TMEM232: variants seen among roughly 807,000 people sequenced by gnomAD.
TMEM232 encodes the protein transmembrane protein 232.
Under a neutral mutation model 78.8 loss-of-function variants are expected in TMEM232, and 80 were observed. The ratio of observed to expected loss-of-function variants is 1.01; its 90% confidence interval spans 0.85 to 1.22. TMEM232 has a LOEUF of 1.22. Ranked by LOEUF, TMEM232 falls within the 50% of genes most tolerant of loss-of-function variation. The probability of loss-of-function intolerance (pLI) is 0.00; values close to 1 mark genes in which losing one functional copy is unlikely to be tolerated. For missense variants in TMEM232, 881 were observed against 742.2 expected (o/e 1.19, Z -2.17); for synonymous variants, 297 against 254.3 (o/e 1.17, Z -1.60).
intron 10 of TMEM232, among the ~76,000 whole-genome samples, chr5:110,591,200 A>G (rs751944284): frequency 2.3e-4 from 35 of 152,198 alleles, no homozygotes; most frequent in Admixed American, 4.6e-4. Context: ...TCTCACGCCT[A>G]CAATCTCAGT....
At chr5:110,465,299 C>G (rs1438596766) in intron 12 of TMEM232, among the ~76,000 whole-genome samples, 1 of 152,278 alleles carries the variant, frequency 6.6e-6, no homozygotes, top group East Asian at 1.9e-4. Context: ...GGAAGTTTAC[C>G]TGACAAAACT....
chr5:110,455,400 T>C (rs1037332086), intron 12 of TMEM232, among the ~76,000 whole-genome samples: 10 of 151,260 alleles, frequency 6.6e-5, no homozygotes, highest in South Asian at 2.1e-4. Context: ...TTTTTTGAGA[T>C]GGAGTCTTGC....
intron 1 of TMEM232, among the ~76,000 whole-genome samples, chr5:110,686,812 C>G (rs1376658613): frequency 6.6e-6 from 1 of 152,054 alleles, no homozygotes; most frequent in African/African-American, 2.4e-5. Context: ...CATAAAAGTT[C>G]AAAAACAATG....
intron 5 of TMEM232, chr5:110,387,502 G>A (rs1180550575): frequency 1.3e-5 from 2 of 151,918 alleles, no homozygotes; most frequent in Non-Finnish European, 2.9e-5. Context: ...TTCACTGTAG[G>A]CTTCTGAAAA....
At chr5:110,736,055 G>A (rs1437520837) in intron 1 of TMEM232, among the ~76,000 whole-genome samples, 1 of 152,102 alleles carries the variant, frequency 6.6e-6, no homozygotes, top group Non-Finnish European at 1.5e-5. Context: ...TTGTTATGGG[G>A]GTAATTCATT....
At chr5:110,692,482 T>C (rs567862470) in intron 1 of TMEM232, among the ~76,000 whole-genome samples, 2 of 152,214 alleles carry the variant, frequency 1.3e-5, no homozygotes, top group South Asian at 4.1e-4. Context: ...ACACCGTGTG[T>C]GAGCTGAAGC....
chr5:110,633,514 G>C (rs1785413910), intron 5 of TMEM232, among the ~76,000 whole-genome samples: 1 of 152,062 alleles, frequency 6.6e-6, no homozygotes. Flanking sequence ...GTTGAGGGAG[G>C]GAGGTGACTG....
At chr5:110,512,354 C>G (rs900348416) in intron 12 of TMEM232, among the ~76,000 whole-genome samples, 5 of 152,158 alleles carry the variant, frequency 3.3e-5, no homozygotes, top group African/African-American at 4.8e-5. Flanking sequence ...GGACAACCAA[C>G]ATGCTAGAGT....
intron 1 of TMEM232, among the ~76,000 whole-genome samples, chr5:110,697,188 GA>G (rs1303412056): frequency 6.6e-6 from 1 of 152,124 alleles, no homozygotes; most frequent in African/African-American, 2.4e-5. Flanking sequence ...ACAAAAACAA[GA>G]AATGGGGAAA....
intron 1 of TMEM232, among the ~76,000 whole-genome samples, chr5:110,702,318 T>C (rs1795512346): frequency 1.3e-5 from 2 of 152,030 alleles, no homozygotes; most frequent in African/African-American, 2.4e-5. Flanking sequence ...TAATAATCTA[T>C]TGGCTATGAT....
At chr5:110,495,405 G>A (rs7717246) in intron 12 of TMEM232, among the ~76,000 whole-genome samples, 49,178 of 151,696 alleles carry the variant, frequency 0.32, 13,900 homozygotes, top group African/African-American at 0.76. Flanking sequence ...ATCCCAGGTA[G>A]TTCTAATGTG....
intron 11 of TMEM232, among the ~76,000 whole-genome samples, chr5:110,530,134 G>A (rs954629396): frequency 1.7e-4 from 26 of 152,124 alleles, no homozygotes; most frequent in Admixed American, 7.9e-4. Context: ...AATTACTGAC[G>A]AAAGACTGAT....
At chr5:110,717,494 C>T (rs888450876) in intron 1 of TMEM232, among the ~76,000 whole-genome samples, 13 of 152,116 alleles carry the variant, frequency 8.5e-5, no homozygotes, top group Admixed American at 7.9e-4. Flanking sequence ...CAAATCCCAT[C>T]TGACAACAAA....
intron 12 of TMEM232, among the ~76,000 whole-genome samples, chr5:110,476,583 TTG>T (rs2149386435): frequency 6.6e-6 from 1 of 152,074 alleles, no homozygotes; most frequent in South Asian, 2.1e-4. Context: ...AAAAATGGAT[TTG>T]TGATTAATAT....
chr5:110,603,303 C>T (rs933154810), intron 10 of TMEM232, among the ~76,000 whole-genome samples: 4 of 151,972 alleles, frequency 2.6e-5, no homozygotes, highest in African/African-American at 4.8e-5. Flanking sequence ...TATAATAATA[C>T]ATAAATTTAA....
intron 3 of TMEM232, among the ~76,000 whole-genome samples, chr5:110,394,671 A>C (rs1247295006): frequency 6.6e-6 from 1 of 151,944 alleles, no homozygotes; most frequent in African/African-American, 2.4e-5. Context: ...TTCATTTCCT[A>C]TTTTATCTCT....
chr5:110,714,344 A>G (rs902138344), intron 1 of TMEM232, among the ~76,000 whole-genome samples: 1 of 152,156 alleles, frequency 6.6e-6, no homozygotes, highest in African/African-American at 2.4e-5. Context: ...TATTTGCTTT[A>G]TCTTTTGTAT....
At chr5:110,566,640 C>A (rs1355769767) in intron 11 of TMEM232, among the ~76,000 whole-genome samples, 1 of 151,966 alleles carries the variant, frequency 6.6e-6, no homozygotes, top group Non-Finnish European at 1.5e-5. Context: ...GTCTGGACTT[C>A]ATTGTCCACA....
At chr5:110,738,872 C>A, upstream of TMEM232, 2 of 901,676 alleles carry the variant, frequency 2.2e-6, no homozygotes, top group Non-Finnish European at 3.2e-6. Context: ...CACCTATTCC[C>A]TAACGACAAC....
Sources: allele counts gnomAD v4.1 joint callset (sites outside exome capture counted in the v4.1 genomes callset), GRCh38; gene constraint gnomAD v4.1.1; transcripts MANE v1.5; gene names NCBI Gene and HGNC (gene_info 2026-07-23, HGNC 2026-07-21).